Variants in SCN7A observed in about 807,000 individuals in gnomAD.
SCN7A encodes the protein sodium channel protein type 7 subunit alpha.
SCN7A carries 138 observed loss-of-function variants against 155.2 expected under a neutral mutation model. The ratio of observed to expected loss-of-function variants is 0.89; its 90% CI spans 0.77 to 1.02. SCN7A has a LOEUF of 1.02. Among genes scored for constraint, SCN7A ranks in the 50% least tolerant of loss-of-function variants. The pLI is 0.00. For synonymous variants in SCN7A, 693 were observed against 649.0 expected, an observed-to-expected ratio of 1.07 and a Z score of -1.03; for missense variants, 2,058 against 1,986.6, an observed-to-expected ratio of 1.04 and a Z score of -0.68.
At chr2:166,423,524 T>C (rs567784966) in intron 18 of SCN7A, 92 bp from the exon 19 acceptor site, 5 of 1,364,844 alleles carry the variant, frequency 3.7e-6, no homozygotes, top group African/African-American at 1.5e-5. Context: ...TTGTCTCTAA[T>C]AGGCATATGG....
rs1283353813 is a variant in SCN7A, at chr2:166,439,053, G to GTATATATATATA, written c.2157+2342_2157+2343insTATATATATATA. On this transcript the variant is annotated intron_variant, in intron 15 of 25. Transcript: ENST00000643258. The stretch of plus-strand genomic sequence containing the variant: ...CACACATACATATATGTGTGTGTGT[G>GTATATATATATA]TGTATATATATATATATATATATAT... Among the ~76,000 whole-genome samples the GTATATATATATA allele has an allele frequency of 4.5e-3, 387 of 86,020 alleles. 3 individuals carry two copies. The highest frequency in any genetic ancestry group is 0.015 in the African/African-American group (286 of 18,504). 56.4% of individuals were successfully genotyped at this position (86,020 alleles called of 152,430 possible). A position where few individuals can be genotyped will look rare whatever the true frequency, so the allele number is the denominator to read the frequency against.
At chr2:166,447,572 G>C in intron 12 of SCN7A, 40 bp downstream of exon 12, 1 of 1,307,970 alleles carries the variant, frequency 7.6e-7, no homozygotes. Context: ...TTTATGAGTA[G>C]TACCTTCAAT....
chr2:166,491,187 C>T (rs1266157701), intron 1 of SCN7A, among the ~76,000 whole-genome samples: 1 of 152,150 alleles, frequency 6.6e-6, no homozygotes, highest in Non-Finnish European at 1.5e-5. Flanking sequence ...ACCTCCTGTT[C>T]TAGTTTAACA....
Position 166,444,834 on chromosome 2 carries a change from G to C in SCN7A, c.1554C>G (p.Asn518Lys). Residue 518 changes from asparagine (N) to lysine (K), a missense_variant, in exon 13 of 26, where the codon AAC (asparagine) becomes AAG (lysine). Coordinates refer to ENST00000643258, the MANE Select transcript of SCN7A (RefSeq NM_002976.4). ...DLFLIICIIL[N>K]VCFLTLEHYP... The stretch of plus-strand genomic sequence containing the variant: ...AATGCTCCAAGGTCAGAAAACATAC[G>C]TTTAAAATTATGCATATGATAAGGA... The C allele has an allele frequency of 6.2e-7, 1 of 1,611,164 alleles. No individual in the cohort carries two copies. Among genetic ancestry groups the C allele is most frequent in the Non-Finnish European group, 8.5e-7 (1 of 1,178,218 alleles).
chr2:166,426,282 C>T (rs1274483525), intron 18 of SCN7A, among the ~76,000 whole-genome samples: 2 of 152,022 alleles, frequency 1.3e-5, no homozygotes, highest in African/African-American at 2.4e-5. Context: ...TCCATTTGAG[C>T]CATGTGAAGA....
chr2:166,475,102 A>ACG (rs372133588), intron 3 of SCN7A, among the ~76,000 whole-genome samples: 21 of 103,734 alleles, frequency 2.0e-4, no homozygotes, highest in African/African-American at 5.0e-4. Flanking sequence ...ACACATATAT[A>ACG]TGTATATATA....
chr2:166,412,799 G>C lies in SCN7A; in HGVS notation c.3469-132C>G, dbSNP rs1234049002. The C allele has an allele frequency of 4.8e-5, 64 of 1,328,480 alleles. 1 individual carries two copies. The South Asian group carries it at 1.0e-3, about 22-fold the overall frequency. 82.3% of individuals were successfully genotyped at this position (1,328,480 alleles called of 1,614,324 possible). A position where few individuals can be genotyped will look rare whatever the true frequency, so the allele number is the denominator to read the frequency against. On this transcript the variant is annotated intron_variant, in intron 22 of 25. Coordinates refer to ENST00000643258, the MANE Select transcript of SCN7A (RefSeq NM_002976.4). Reference sequence around the variant, plus strand: ...CTAAGAAACTGTTTTCTTTTTTGCTGTTTGGTAAAAGGATATCATTGCTTT... The same window carrying C: ...CTAAGAAACTGTTTTCTTTTTTGCTCTTTGGTAAAAGGATATCATTGCTTT...
rs187921037 is a variant in SCN7A at position 166,473,763 on chromosome 2, A to G, written c.443+36T>C. On this transcript the variant is annotated intron_variant, in intron 5 of 25. Transcript: ENST00000643258. Reference sequence around the variant, plus strand: ...TAAAATATTAAAAATATACAATTATATATGATATTATGTATAAAATAATTA... The same window carrying G: ...TAAAATATTAAAAATATACAATTATGTATGATATTATGTATAAAATAATTA... 64 of 571,592 alleles carry G rather than the reference A, an allele frequency of 1.1e-4. No homozygotes were observed. The East Asian group carries it at 2.5e-3, about 22-fold the overall frequency. 35.4% of individuals were successfully genotyped at this position (571,592 alleles called of 1,614,324 possible). A position where few individuals can be genotyped will look rare whatever the true frequency, so the allele number is the denominator to read the frequency against.
intron 7 of SCN7A, among the ~76,000 whole-genome samples, chr2:166,468,100 G>A (rs891980417): frequency 5.3e-5 from 8 of 151,968 alleles, no homozygotes; most frequent in Admixed American, 5.3e-4. Context: ...CACATAAGGT[G>A]AGAAAATAAC....
intron 3 of SCN7A, among the ~76,000 whole-genome samples, chr2:166,475,931 G>C (rs574095486): frequency 1.3e-5 from 2 of 151,908 alleles, no homozygotes; most frequent in Admixed American, 1.3e-4. Context: ...AAAATCTTTG[G>C]TTTTGTCTTC....
rs1346956367 is a variant in SCN7A at position 166,462,656 on chromosome 2, T to C, written c.942-126A>G. Reference sequence around the variant, plus strand: ...ACGCTTCCACAGGGAGAGTAATGTCTGCTCCCAAACAATTGCTTGCTAAAA... The same window carrying C: ...ACGCTTCCACAGGGAGAGTAATGTCCGCTCCCAAACAATTGCTTGCTAAAA... On this transcript the variant is annotated intron_variant, in intron 9 of 25. Coordinates refer to ENST00000643258, the MANE Select transcript of SCN7A (RefSeq NM_002976.4). 21 of 769,086 alleles carry C rather than the reference T, an allele frequency of 2.7e-5. 1 individual carries two copies. Among genetic ancestry groups the C allele is most frequent in the Non-Finnish European group, 3.6e-5 (18 of 505,986 alleles). 47.6% of individuals were successfully genotyped at this position (769,086 alleles called of 1,614,324 possible). A position where few individuals can be genotyped will look rare whatever the true frequency, so the allele number is the denominator to read the frequency against.
Position 166,416,749 on chromosome 2 carries a change from G to A in SCN7A, c.3372C>T (p.Asn1124=). 6.2e-7 allele frequency: 1 copy of A among 1,611,674 alleles called. No individual in the cohort carries two copies. The highest frequency in any genetic ancestry group is 8.5e-7 in the Non-Finnish European group (1 of 1,178,752). ...GGAAACCATTTCCAACATTATCAAA[G>A]TTCATTTTTGCATTTTCCCATAGCA... ...ESMLWENAKM[N]FDNVGNGFLS... The change falls in exon 21 of 26, where the codon AAC becomes AAT. Residue 1124 remains asparagine, a synonymous_variant. Transcript: ENST00000643258.
chr2:166,425,257 A>G (rs1195716732), intron 18 of SCN7A, among the ~76,000 whole-genome samples: 2 of 152,088 alleles, frequency 1.3e-5, no homozygotes, highest in East Asian at 1.9e-4. Flanking sequence ...CACCTGATGC[A>G]TAAATAGAGA....
At position 166,405,326 on chromosome 2, in the gene SCN7A, G is replaced by A. The variant is rs1701043789; in HGVS notation, c.*254C>T. 4 of 413,254 alleles carry A rather than the reference G, an allele frequency of 9.7e-6. No individual in the cohort carries two copies. The South Asian group carries it at 2.2e-4, about 23-fold the overall frequency. 25.6% of individuals were successfully genotyped at this position (413,254 alleles called of 1,614,324 possible). A position where few individuals can be genotyped will look rare whatever the true frequency, so the allele number is the denominator to read the frequency against. On this transcript the variant is annotated 3_prime_UTR_variant, in exon 26 of 26. Transcript: ENST00000643258. ...AGGCACACATCATATAAGCCATGTA[G>A]AGAAAACAAATATGAGATTGTCAAA...
intron 20 of SCN7A, among the ~76,000 whole-genome samples, chr2:166,419,826 A>T (rs1446500013): frequency 6.6e-6 from 1 of 152,156 alleles, no homozygotes; most frequent in Non-Finnish European, 1.5e-5. Flanking sequence ...ATATGTTACA[A>T]TTACTATTTT....
chr2:166,478,629 G>A (rs1307823683), intron 2 of SCN7A, among the ~76,000 whole-genome samples: 1 of 151,814 alleles, frequency 6.6e-6, no homozygotes, highest in Middle Eastern at 3.2e-3. Context: ...TAATTATCTT[G>A]AAAATTACTG....
At chr2:166,413,981 G>GTATATATATA (rs556351441) in intron 21 of SCN7A, among the ~76,000 whole-genome samples, 638 of 53,480 alleles carry the variant, frequency 0.012, 46 homozygotes, top group African/African-American at 0.029. Flanking sequence ...ATGTGTATGT[G>GTATATATATA]TATATATATA....
intron 12 of SCN7A, among the ~76,000 whole-genome samples, chr2:166,445,345 G>A (rs1262805503): frequency 6.9e-6 from 1 of 144,774 alleles, no homozygotes; most frequent in Non-Finnish European, 1.5e-5. Flanking sequence ...AAGGAAGGAA[G>A]GAAGGAAAGA....
chr2:166,479,188 C>T (rs1359788521), intron 2 of SCN7A, among the ~76,000 whole-genome samples: 3 of 152,082 alleles, frequency 2.0e-5, no homozygotes, highest in Admixed American at 6.6e-5. Context: ...TATACTCACA[C>T]ATATGTTCTA....
Sources: gnomAD v4.1 joint callset for allele counts (sites outside exome capture counted in the v4.1 genomes callset) on GRCh38, gnomAD v4.1.1 for gene constraint, MANE v1.5 for transcripts, NCBI Gene and HGNC (gene_info 2026-07-23, HGNC 2026-07-21) for gene names.